The following ADGRG7 variants were observed in gnomAD, a reference collection of about 807,000 sequenced individuals.
ADGRG7 encodes the protein adhesion G protein-coupled receptor G7.
A neutral mutation model predicts 88.6 loss-of-function variants in ADGRG7; 82 were observed. The ratio of observed to expected loss-of-function variants is 0.93; its 90% CI spans 0.77 to 1.11. The LOEUF is 1.11. ADGRG7 is among the 50% of genes most tolerant of loss of function. ADGRG7 has a pLI of 0.00. For missense variants in ADGRG7, 945 were observed against 953.4 expected (o/e 0.99, Z 0.12); for synonymous variants, 381 against 345.2 (o/e 1.10, Z -1.15).
In ADGRG7 at chr3:100,643,418, T is replaced by A. The variant is rs574712840; in HGVS notation, c.838+13T>A. The stretch of plus-strand genomic sequence containing the variant: ...TCTGTGCAGAAAGGTGAGCTGTTAA[T>A]CTTATGTGCTTGTAACAGCAAAGAG... On this transcript the variant is annotated intron_variant, in intron 7 of 15. Transcript: ENST00000273352. 3 of 1,613,622 alleles carry A rather than the reference T, an allele frequency of 1.9e-6. No individual in the cohort carries two copies. Among genetic ancestry groups the A allele is most frequent in the Non-Finnish European group, 2.5e-6 (3 of 1,179,760 alleles).
intron 6 of ADGRG7, among the ~76,000 whole-genome samples, chr3:100,637,880 A>T (rs1408085895): frequency 6.6e-6 from 1 of 152,192 alleles, no homozygotes; most frequent in African/African-American, 2.4e-5. Context: ...GGGACTTGTG[A>T]TAGGGGTGCC....
At chr3:100,633,193 T>G (rs1707479602) in intron 3 of ADGRG7, 72 bp from the exon 4 acceptor site, 1 of 659,402 alleles carries the variant, frequency 1.5e-6, no homozygotes. Flanking sequence ...AAAAATTAGT[T>G]ATTGCCTAAA....
intron 15 of ADGRG7, among the ~76,000 whole-genome samples, chr3:100,684,101 A>G (rs1216607213): frequency 6.6e-6 from 1 of 151,704 alleles, no homozygotes; most frequent in Non-Finnish European, 1.5e-5. Context: ...CAGTGTACCA[A>G]CTTCTAGTTT....
At chr3:100,658,257 A>G (rs1177538654) in intron 13 of ADGRG7, among the ~76,000 whole-genome samples, 3 of 152,106 alleles carry the variant, frequency 2.0e-5, no homozygotes, top group African/African-American at 7.2e-5. Flanking sequence ...ATTTCTTAAC[A>G]TCTCCTCTCC....
At chr3:100,674,443 T>A (rs148318930) in intron 15 of ADGRG7, among the ~76,000 whole-genome samples, 1 of 152,328 alleles carries the variant, frequency 6.6e-6, no homozygotes, top group Admixed American at 6.5e-5. Flanking sequence ...CTTTCCATTT[T>A]TTGTGTCCTC....
intron 15 of ADGRG7, among the ~76,000 whole-genome samples, chr3:100,693,757 T>C (rs1045777463): frequency 2.6e-5 from 4 of 152,214 alleles, no homozygotes; most frequent in African/African-American, 9.6e-5. Context: ...AATGATAATA[T>C]CTTATACAGC....
intron 1 of ADGRG7, among the ~76,000 whole-genome samples, chr3:100,611,244 TTTCCTTCC>T (rs753816226): frequency 0.02 from 1,281 of 64,802 alleles, 23 homozygotes; most frequent in African/African-American, 0.039. Context: ...TTTGTTTGTT[TTTCCTTCC>T]TTCCTTCCTT....
chr3:100,619,588 A>G (rs1314542579), intron 1 of ADGRG7, among the ~76,000 whole-genome samples: 1 of 152,212 alleles, frequency 6.6e-6, no homozygotes, highest in East Asian at 1.9e-4. Context: ...AAAGACACAA[A>G]AAACCCTTCA....
At chr3:100,618,034 A>G (rs984863286) in intron 1 of ADGRG7, among the ~76,000 whole-genome samples, 4 of 152,122 alleles carry the variant, frequency 2.6e-5, no homozygotes, top group African/African-American at 9.7e-5. Context: ...GTGTCTGTTC[A>G]TATCCTTCGC....
intron 1 of ADGRG7, among the ~76,000 whole-genome samples, chr3:100,625,930 TG>T (rs1267372958): frequency 6.6e-6 from 1 of 151,124 alleles, no homozygotes. Flanking sequence ...ATTCGGTTTT[TG>T]CATCGATGTG....
intron 15 of ADGRG7, among the ~76,000 whole-genome samples, chr3:100,687,693 A>T (rs1289195603): frequency 6.6e-6 from 1 of 152,138 alleles, no homozygotes; most frequent in Non-Finnish European, 1.5e-5. Context: ...TGATTTTCGT[A>T]TGTTGAACCA....
intron 6 of ADGRG7, among the ~76,000 whole-genome samples, chr3:100,642,323 A>T (rs570879192): frequency 6.6e-6 from 1 of 152,366 alleles, no homozygotes; most frequent in South Asian, 2.1e-4. Context: ...AAATGGTTTT[A>T]TAAAAGGAAA....
chr3:100,661,398 A>G (rs938585639), intron 14 of ADGRG7, among the ~76,000 whole-genome samples: 2 of 152,200 alleles, frequency 1.3e-5, no homozygotes, highest in Non-Finnish European at 1.5e-5. Context: ...TAGTGGGACT[A>G]TATCTTTTTT....
At chr3:100,659,645 A>G in intron 13 of ADGRG7, 43 bp from the exon 14 acceptor site, 1 of 1,591,874 alleles carries the variant, frequency 6.3e-7, no homozygotes, top group Non-Finnish European at 8.6e-7. Context: ...CAGTATGTAT[A>G]CCTTTCTTAG....
intron 15 of ADGRG7, among the ~76,000 whole-genome samples, chr3:100,669,426 T>G (rs1474545427): frequency 6.7e-6 from 1 of 150,302 alleles, no homozygotes; most frequent in Non-Finnish European, 1.5e-5. Context: ...CCTCCTGTAG[T>G]CTCCTGCTGA....
At chr3:100,687,504 G>A (rs2094984833) in intron 15 of ADGRG7, among the ~76,000 whole-genome samples, 1 of 152,108 alleles carries the variant, frequency 6.6e-6, no homozygotes. Flanking sequence ...TATGATATTG[G>A]CTGTGCGTTT....
intron 14 of ADGRG7, among the ~76,000 whole-genome samples, chr3:100,663,964 C>T (rs924882333): frequency 1.3e-5 from 2 of 151,918 alleles, no homozygotes; most frequent in African/African-American, 2.4e-5. Context: ...GATGTTTTAA[C>T]GTTATTATCT....
intron 14 of ADGRG7, among the ~76,000 whole-genome samples, chr3:100,661,373 A>G (rs142908399): frequency 1.3e-5 from 2 of 152,368 alleles, no homozygotes; most frequent in East Asian, 1.9e-4. Context: ...CCAGATGAGT[A>G]AAAGCCACCA....
chr3:100,649,673 T>C (rs2094926159), intron 10 of ADGRG7, 22 bp from the exon 11 acceptor site: 1 of 1,306,100 alleles, frequency 7.7e-7, no homozygotes. Flanking sequence ...ATTAAAAATA[T>C]GAGTCTTACC....
Sources: gnomAD v4.1 joint callset for allele counts (sites outside exome capture counted in the v4.1 genomes callset) on GRCh38, gnomAD v4.1.1 for gene constraint, MANE v1.5 for transcripts, NCBI Gene and HGNC (gene_info 2026-07-23, HGNC 2026-07-21) for gene names.